The following MMP24 variants were observed in gnomAD, a reference collection of about 807,000 sequenced individuals.
The protein encoded by MMP24 is matrix metalloproteinase-24.
MMP24 carries 25 observed loss-of-function variants against 62.8 expected under a neutral mutation model. The ratio of observed to expected loss-of-function variants is 0.40; its 90% CI spans 0.29 to 0.56. MMP24 has a LOEUF of 0.56. MMP24 is among the 20% of genes least tolerant of loss of function. The probability of loss-of-function intolerance (pLI) is 0.50; values close to 1 mark genes in which losing one functional copy is unlikely to be tolerated. For synonymous variants in MMP24, 319 were observed against 350.5 expected, an observed-to-expected ratio of 0.91 and a Z score of 1.00; for missense variants, 634 against 853.6, an observed-to-expected ratio of 0.74 and a Z score of 3.21.
Position 35,226,995 on chromosome 20 carries a change from C to T in MMP24, c.246+11C>T. The T allele has an allele frequency of 1.0e-6, 1 of 979,044 alleles. No individual in the cohort carries two copies. Among genetic ancestry groups the T allele is most frequent in the Non-Finnish European group, 1.2e-6 (1 of 827,502 alleles). The allele number at this position is 979,044 out of a possible 1,614,324, so 60.6% of individuals were successfully genotyped here. A position where few individuals can be genotyped will look rare whatever the true frequency, so the allele number is the denominator to read the frequency against. On this transcript the variant is annotated intron_variant, in intron 1 of 8. Coordinates refer to ENST00000246186, the MANE Select transcript of MMP24 (RefSeq NM_006690.4). ...CCCTTCGCCGGGCAGGTGGGGCTGG[C>T]GCGCGGGGCCGGGGCGCGGGCTCGG... is the stretch of plus-strand genomic sequence containing the variant.
At chr20:35,262,568 C>T (rs1348598387) in intron 4 of MMP24, among the ~76,000 whole-genome samples, 1 of 150,540 alleles carries the variant, frequency 6.6e-6, no homozygotes, top group Non-Finnish European at 1.5e-5. Flanking sequence ...TATACCGAGA[C>T]ATTCCATTGC....
chr20:35,272,034 A>G (rs1278065558), intron 8 of MMP24, 199 bp downstream of exon 8: 8 of 633,302 alleles, frequency 1.3e-5, no homozygotes, highest in Non-Finnish European at 1.9e-5. Context: ...TTTCATCTGC[A>G]GGAATGATTC....
chr20:35,276,035 G>C lies in MMP24; in HGVS notation c.*1426G>C. ...CAATGCCCACTGGCTCTCTGCCAAAGCCAAAAAGGTGTCAGGCAGTCTCCA... is the reference window on the plus strand; with the variant it reads ...CAATGCCCACTGGCTCTCTGCCAAACCCAAAAAGGTGTCAGGCAGTCTCCA... On this transcript the variant is annotated 3_prime_UTR_variant, in exon 9 of 9. Transcript: ENST00000246186. The C allele has an allele frequency of 1.5e-5, 6 of 398,546 alleles. No individual in the cohort carries two copies. The highest frequency in any genetic ancestry group is 2.7e-5 in the Non-Finnish European group (6 of 226,146). 24.7% of individuals were successfully genotyped at this position (398,546 alleles called of 1,614,324 possible).
intron 2 of MMP24, among the ~76,000 whole-genome samples, chr20:35,248,770 C>T (rs558758416): frequency 2.6e-5 from 4 of 152,248 alleles, no homozygotes; most frequent in East Asian, 1.9e-4. Flanking sequence ...TCCTTGGCCC[C>T]GTGGTCTCCA....
chr20:35,227,058 G>C (rs1340678571), intron 1 of MMP24, 74 bp downstream of exon 1: 1 of 967,848 alleles, frequency 1.0e-6, no homozygotes, highest in African/African-American at 1.8e-5. Flanking sequence ...CCGGGGACGG[G>C]CCTGGGCCGG....
intron 1 of MMP24, among the ~76,000 whole-genome samples, chr20:35,236,970 T>C: frequency 9.7e-6 from 1 of 103,100 alleles, no homozygotes; most frequent in Non-Finnish European, 1.7e-5. Context: ...CGAGACACCA[T>C]CTCAAAAAAA....
At chr20:35,273,115 C>T (rs2060681406) in intron 8 of MMP24, among the ~76,000 whole-genome samples, 1 of 151,970 alleles carries the variant, frequency 6.6e-6, no homozygotes, top group Non-Finnish European at 1.5e-5. Flanking sequence ...AGCAAGATGG[C>T]AACAGACGCT....
At position 35,270,692 on chromosome 20, in the gene MMP24, G is replaced by T. The variant is rs185466669; in HGVS notation, c.1333+794G>T. Among the ~76,000 whole-genome samples, 380 of 152,318 alleles carry T rather than the reference G, an allele frequency of 2.5e-3. 1 individual carries two copies. Among genetic ancestry groups the T allele is most frequent in the Middle Eastern group, 0.024 (7 of 294 alleles). ...ATGAGGCCCAAATGAGGGAGGAGCC[G>T]TGCAGCTGAAGGGCAGGGGACAGCT... On this transcript the variant is annotated intron_variant, in intron 7 of 8. Transcript: ENST00000246186.
rs954433748 is a variant in MMP24, at chr20:35,276,236, T to C, written c.*1627T>C. ...CTTGTCCCAGAGGTGCCCATGTGGGTCCGCTGTGTCCCCTGTCATCATCCT... is the reference window on the plus strand; with the variant it reads ...CTTGTCCCAGAGGTGCCCATGTGGGCCCGCTGTGTCCCCTGTCATCATCCT... On this transcript the variant is annotated 3_prime_UTR_variant, in exon 9 of 9. Transcript: ENST00000246186. The C allele has an allele frequency of 4.0e-5, 16 of 398,826 alleles. No homozygotes were observed. Among genetic ancestry groups the C allele is most frequent in the Admixed American group, 2.2e-4 (5 of 22,712 alleles). The allele number at this position is 398,826 out of a possible 1,614,324, so 24.7% of individuals were successfully genotyped here.
At chr20:35,255,597 A>G (rs1034117681) in intron 4 of MMP24, among the ~76,000 whole-genome samples, 1 of 152,210 alleles carries the variant, frequency 6.6e-6, no homozygotes, top group Non-Finnish European at 1.5e-5. Flanking sequence ...GCAGGTTGCC[A>G]AAAAATTCAT....
In MMP24 at chr20:35,246,902, A is replaced by G. The variant is rs776261402; in HGVS notation, c.309A>G (p.Ser103=). The G allele has an allele frequency of 1.2e-6, 2 of 1,613,916 alleles. No homozygotes were observed. Among genetic ancestry groups the G allele is most frequent in the Middle Eastern group, 1.6e-4 (1 of 6,084 alleles). Residue 103 remains serine, a synonymous_variant, in exon 2 of 9, where the codon TCA becomes TCG. Transcript: ENST00000246186. ...ACTCACGGGCATCTGCGCTGCACTC[A>G]GCGAAGGCCTTGCAGTCGGCAGTCT... The part of the protein sequence containing the change: ...PYDSRASALH[S]AKALQSAVST...
In MMP24 at chr20:35,274,498, C is replaced by T. The variant is rs372706982; in HGVS notation, c.1827C>T (p.Cys609=). The T allele has an allele frequency of 9.5e-5, 153 of 1,613,934 alleles. No homozygotes were observed. Among genetic ancestry groups the T allele is most frequent in the Non-Finnish European group, 1.3e-4 (148 of 1,179,910 alleles). The change falls in exon 9 of 9, where the codon TGC becomes TGT. Residue 609 remains cysteine (C), a synonymous_variant. Transcript: ENST00000246186. This position sits in a 1 kb window ranked among gnomAD's most constrained non-coding sequence, Gnocchi z 5.1. ...ACGCCGTGGCCGTGGTCATCCCCTG[C>T]ATCCTGTCCCTCTGCATCCTGGTGC... ...SVNAVAVVIP[C]ILSLCILVLV...
chr20:35,228,629 T>C (rs184816269), intron 1 of MMP24, among the ~76,000 whole-genome samples: 146 of 152,342 alleles, frequency 9.6e-4, no homozygotes, highest in African/African-American at 3.5e-3. Context: ...CATAAAGAGA[T>C]AGAGCTAGAC....
chr20:35,248,306 C>CTTTT (rs11479770), intron 2 of MMP24, among the ~76,000 whole-genome samples: 3 of 136,792 alleles, frequency 2.2e-5, no homozygotes, highest in Non-Finnish European at 3.1e-5. Context: ...TTCCCCCCCC[C>CTTTT]TTTTTTTTTT....
At position 35,276,444 on chromosome 20, in the gene MMP24, G is replaced by A. The variant is rs34569456; in HGVS notation, c.*1835G>A. The A allele has an allele frequency of 0.013, 5,212 of 397,380 alleles. 42 individuals carry two copies. The highest frequency in any genetic ancestry group is 0.018 in the Non-Finnish European group (4,141 of 225,502). 24.6% of individuals were successfully genotyped at this position (397,380 alleles called of 1,614,324 possible). ...TGGGAGGCCGACGGTAACTCTCACC[G>A]TGCCCTCAGATGAAGCACAGAGAGG... On this transcript the variant is annotated 3_prime_UTR_variant, in exon 9 of 9. Transcript: ENST00000246186.
intron 3 of MMP24, among the ~76,000 whole-genome samples, chr20:35,253,873 T>G (rs1198303388): frequency 1.3e-5 from 2 of 150,318 alleles, no homozygotes; most frequent in Non-Finnish European, 3.0e-5. Context: ...TTTGGGTTTT[T>G]TTTTTTTTTT....
In MMP24 at chr20:35,230,359, T is replaced by C. The variant is rs112677790; in HGVS notation, c.246+3375T>C. ...GGTTGGTTCTTAGGCAAGGCTTTCT[T>C]GACCAAAATGTTTTATTTTTTTACA... On this transcript the variant is annotated intron_variant, in intron 1 of 8. Transcript: ENST00000246186. 5.3e-3 allele frequency among the ~76,000 whole-genome samples: 810 copies of C among 152,268 alleles called. 7 individuals are homozygous for C. Among genetic ancestry groups the C allele is most frequent in the African/African-American group, 0.017 (721 of 41,578 alleles).
intron 2 of MMP24, among the ~76,000 whole-genome samples, chr20:35,247,293 T>C (rs1387168871): frequency 1.3e-5 from 2 of 152,186 alleles, no homozygotes; most frequent in Non-Finnish European, 2.9e-5. Flanking sequence ...CTGGCTCGAA[T>C]AATTTATCTA....
At chr20:35,251,449 T>C (rs1386318584) in intron 2 of MMP24, among the ~76,000 whole-genome samples, 3 of 152,166 alleles carry the variant, frequency 2.0e-5, no homozygotes, top group Non-Finnish European at 4.4e-5. Context: ...TTATTCTCAG[T>C]GTTTGGGGAA....
Sources: allele counts gnomAD v4.1 joint callset (sites outside exome capture counted in the v4.1 genomes callset), GRCh38; gene constraint gnomAD v4.1.1; non-coding constraint Gnocchi (gnomAD v3.1); transcripts MANE v1.5; gene names NCBI Gene and HGNC (gene_info 2026-07-23, HGNC 2026-07-21).